Variants in RAPGEF4 observed in about 807,000 individuals in gnomAD.
RAPGEF4 encodes the protein Rap guanine nucleotide exchange factor 4, also known as RAP guanine-nucleotide-exchange factor (GEF) 4.
RAPGEF4 carries 66 observed loss-of-function variants against 147.9 expected under a neutral mutation model. The observed-to-expected ratio is 0.45, with a 90% CI of 0.37 to 0.55. The LOEUF is 0.55. RAPGEF4 is among the 20% of genes least tolerant of loss of function. RAPGEF4 has a pLI of 0.00. For synonymous variants in RAPGEF4, 419 were observed against 442.7 expected (o/e 0.95, Z 0.67); for missense variants, 1,071 against 1,257.3 (o/e 0.85, Z 2.24).
chr2:173,000,742 C>A (rs79917125), intron 16 of RAPGEF4, among the ~76,000 whole-genome samples: 1 of 76,338 alleles, frequency 1.3e-5, no homozygotes, highest in Non-Finnish European at 3.0e-5. Flanking sequence ...TCTTTCTTTT[C>A]TTTCTTTCTT....
intron 29 of RAPGEF4, among the ~76,000 whole-genome samples, chr2:173,037,663 G>A (rs1169467195): frequency 1.3e-5 from 2 of 152,112 alleles, no homozygotes; most frequent in Non-Finnish European, 2.9e-5. Flanking sequence ...TATCTCTGTG[G>A]GTGAGCATTT....
At chr2:172,853,487 CTT>C (rs1693086512) in intron 4 of RAPGEF4, among the ~76,000 whole-genome samples, 1 of 151,896 alleles carries the variant, frequency 6.6e-6, no homozygotes, top group Non-Finnish European at 1.5e-5. Flanking sequence ...AAAGAACCAA[CTT>C]TTGTTTATTT....
At chr2:172,760,670 ATCACGCCACTGCAC>A (rs1696221661) in intron 1 of RAPGEF4, among the ~76,000 whole-genome samples, 1 of 151,800 alleles carries the variant, frequency 6.6e-6, no homozygotes, top group African/African-American at 2.4e-5. Flanking sequence ...GTGAGCTGAG[ATCACGCCACTGCAC>A]TCCAGCCTGG....
chr2:173,039,873 A>G lies in RAPGEF4; in HGVS notation c.2853+3181A>G, dbSNP rs536848265. Among the ~76,000 whole-genome samples the G allele has an allele frequency of 3.9e-5, 6 of 152,254 alleles. No individual in the cohort carries two copies. The South Asian group carries it at 6.2e-4, about 16-fold the overall frequency. ...CATTTTATCTCATGTGAGAAATTCT[A>G]CCATAAGAAAGTTTGATTTTAGAAT... On this transcript the variant is annotated intron_variant, in intron 29 of 30. Transcript: ENST00000397081.
chr2:173,012,722 T>C (rs1247730798), intron 17 of RAPGEF4, among the ~76,000 whole-genome samples: 1 of 152,190 alleles, frequency 6.6e-6, no homozygotes, highest in East Asian at 1.9e-4. Context: ...CAATATCACA[T>C]AGCTAAATGG....
intron 3 of RAPGEF4, among the ~76,000 whole-genome samples, chr2:172,805,542 A>G (rs1339510766): frequency 6.6e-6 from 1 of 152,190 alleles, no homozygotes; most frequent in African/African-American, 2.4e-5. Flanking sequence ...GCCATTCTTC[A>G]TCTTAACCCA....
chr2:173,035,618 C>T (rs1683894820), intron 27 of RAPGEF4, among the ~76,000 whole-genome samples: 1 of 152,094 alleles, frequency 6.6e-6, no homozygotes, highest in African/African-American at 2.4e-5. Flanking sequence ...TCCAAAAGTG[C>T]TGGGATTATA....
At chr2:172,782,604 C>T (rs927735461) in intron 1 of RAPGEF4, among the ~76,000 whole-genome samples, 32 of 152,150 alleles carry the variant, frequency 2.1e-4, no homozygotes, top group East Asian at 3.9e-4. Flanking sequence ...CTAAGTACTA[C>T]GAAATGATTT....
intron 3 of RAPGEF4, among the ~76,000 whole-genome samples, chr2:172,805,193 A>T (rs573417014): frequency 6.6e-6 from 1 of 152,124 alleles, no homozygotes; most frequent in East Asian, 1.9e-4. Context: ...CAAGGCTTCA[A>T]GAGACTGGAG....
At chr2:172,817,346 G>A (rs1458035554) in intron 4 of RAPGEF4, among the ~76,000 whole-genome samples, 3 of 152,236 alleles carry the variant, frequency 2.0e-5, no homozygotes, top group African/African-American at 7.2e-5. Context: ...GGCATATATA[G>A]CGCTAATCTG....
chr2:172,904,661 A>G lies in RAPGEF4; in HGVS notation c.445-13141A>G, dbSNP rs374866061. Among the ~76,000 whole-genome samples, 8 of 152,258 alleles carry G rather than the reference A, an allele frequency of 5.3e-5. No individual in the cohort carries two copies. The East Asian group carries it at 1.2e-3, about 22-fold the overall frequency. ...GGCTTTAATATTATTAGCAATAAAT[A>G]GTTGCAGATCATTTCACCTCTGCTT... On this transcript the variant is annotated intron_variant, in intron 4 of 30. Coordinates refer to ENST00000397081, the MANE Select transcript of RAPGEF4 (RefSeq NM_007023.4).
At chr2:172,777,949 A>G (rs1684329076) in intron 1 of RAPGEF4, among the ~76,000 whole-genome samples, 1 of 152,148 alleles carries the variant, frequency 6.6e-6, no homozygotes, top group Non-Finnish European at 1.5e-5. Context: ...TTACAGCCAG[A>G]AGTGGAAGTT....
intron 6 of RAPGEF4, among the ~76,000 whole-genome samples, chr2:172,939,680 T>C (rs146505542): frequency 6.6e-6 from 1 of 152,292 alleles, no homozygotes; most frequent in East Asian, 1.9e-4. Context: ...TGTTGTTGTA[T>C]CTAACTTATC....
intron 3 of RAPGEF4, among the ~76,000 whole-genome samples, chr2:172,809,085 A>T (rs1216036688): frequency 6.6e-6 from 1 of 152,152 alleles, no homozygotes; most frequent in African/African-American, 2.4e-5. Context: ...AAGAACCTGG[A>T]ATCTGGGGGG....
intron 4 of RAPGEF4, among the ~76,000 whole-genome samples, chr2:172,826,365 A>T (rs896566330): frequency 7.2e-5 from 11 of 152,348 alleles, no homozygotes; most frequent in African/African-American, 2.6e-4. Context: ...ATAAGTTTTA[A>T]TGAAACAGTT....
chr2:172,848,323 G>A (rs1013613447), intron 4 of RAPGEF4, among the ~76,000 whole-genome samples: 1 of 152,094 alleles, frequency 6.6e-6, no homozygotes, highest in Non-Finnish European at 1.5e-5. Context: ...CGCTTTGCCT[G>A]TTAATTCACA....
At chr2:172,970,878 C>T (rs1310434654) in intron 10 of RAPGEF4, among the ~76,000 whole-genome samples, 1 of 152,098 alleles carries the variant, frequency 6.6e-6, no homozygotes, top group Admixed American at 6.5e-5. Flanking sequence ...CTCACAATGC[C>T]CGTCCTGGTT....
At chr2:172,956,750 G>A (rs185855471) in intron 6 of RAPGEF4, among the ~76,000 whole-genome samples, 2 of 152,198 alleles carry the variant, frequency 1.3e-5, no homozygotes, top group Non-Finnish European at 2.9e-5. Context: ...GATTACAGGC[G>A]TGAGCCACTG....
chr2:172,736,311 C>T (rs982490905), intron 1 of RAPGEF4: 2 of 283,700 alleles, frequency 7.0e-6, no homozygotes, highest in African/African-American at 2.2e-5. Context: ...ACCTCTCCAA[C>T]CCCCTGCCCT....
Sources: allele counts gnomAD v4.1 joint callset (sites outside exome capture counted in the v4.1 genomes callset), GRCh38; gene constraint gnomAD v4.1.1; transcripts MANE v1.5; gene names NCBI Gene and HGNC (gene_info 2026-07-23, HGNC 2026-07-21).